PTPRD: variants seen among roughly 807,000 people sequenced by gnomAD.
PTPRD encodes protein tyrosine phosphatase receptor type D, also known as receptor-type tyrosine-protein phosphatase delta.
PTPRD carries 34 observed loss-of-function variants against 214.5 expected under a neutral mutation model. That is an observed-to-expected ratio of 0.16 (90% CI 0.12 to 0.21). The LOEUF (loss-of-function observed/expected upper bound fraction) is 0.21, where lower values mean the gene tolerates loss of function less well. PTPRD is among the 10% of genes least tolerant of loss of function. PTPRD has a pLI of 1.00. For synonymous variants in PTPRD, 1,128 were observed against 845.7 expected (o/e 1.33, Z -5.79); for missense variants, 2,545 against 2,398.7 (o/e 1.06, Z -1.27).
chr9:9,308,539 T>C (rs954218276), intron 9 of PTPRD, among the ~76,000 whole-genome samples: 2 of 152,208 alleles, frequency 1.3e-5, no homozygotes, highest in African/African-American at 4.8e-5. Flanking sequence ...CTTTTTGTGA[T>C]TCTTCATCTG....
At chr9:10,058,997 AT>A (rs1323299830) in intron 3 of PTPRD, among the ~76,000 whole-genome samples, 4 of 152,144 alleles carry the variant, frequency 2.6e-5, no homozygotes, top group Non-Finnish European at 4.4e-5. Context: ...ACAAAATAAA[AT>A]ATATAAATAA....
At chr9:10,531,527 T>G (rs73642006) in intron 2 of PTPRD, among the ~76,000 whole-genome samples, 14,435 of 152,204 alleles carry the variant, frequency 0.095, 847 homozygotes, top group African/African-American at 0.15. Flanking sequence ...ATATGGCACT[T>G]TACCTTGAAA....
intron 10 of PTPRD, among the ~76,000 whole-genome samples, chr9:9,158,411 C>A (rs902402498): frequency 3.9e-5 from 6 of 151,984 alleles, no homozygotes; most frequent in African/African-American, 1.4e-4. Flanking sequence ...ATCAGCCTGG[C>A]CAACATGCTA....
chr9:10,313,661 C>T (rs1484960438), intron 3 of PTPRD, among the ~76,000 whole-genome samples: 1 of 151,894 alleles, frequency 6.6e-6, no homozygotes, highest in African/African-American at 2.4e-5. Flanking sequence ...ACATGTATAG[C>T]CATTAAGTCT....
chr9:8,453,571 A>G (rs1202728185), intron 33 of PTPRD, among the ~76,000 whole-genome samples: 1 of 152,250 alleles, frequency 6.6e-6, no homozygotes, highest in Non-Finnish European at 1.5e-5. Flanking sequence ...TGGATACTAG[A>G]GATGTCCACA....
intron 12 of PTPRD, among the ~76,000 whole-genome samples, chr9:8,713,142 T>C (rs1384189835): frequency 1.3e-5 from 2 of 152,162 alleles, no homozygotes; most frequent in African/African-American, 2.4e-5. Context: ...ACAACAACGA[T>C]AACAAAACAC....
At chr9:9,570,217 T>A (rs1455455158) in intron 8 of PTPRD, among the ~76,000 whole-genome samples, 3 of 151,582 alleles carry the variant, frequency 2.0e-5, no homozygotes, top group Non-Finnish European at 4.4e-5. Flanking sequence ...ATTATTATTA[T>A]TATTTGGACT....
intron 6 of PTPRD, among the ~76,000 whole-genome samples, chr9:9,762,644 T>C (rs577001588): frequency 1.2e-3 from 183 of 152,338 alleles, no homozygotes; most frequent in African/African-American, 4.0e-3. Context: ...ATAAAAAGGA[T>C]TGATTCTCTT....
intron 4 of PTPRD, among the ~76,000 whole-genome samples, chr9:10,005,809 C>A (rs1588698642): frequency 6.6e-6 from 1 of 151,918 alleles, no homozygotes; most frequent in African/African-American, 2.4e-5. Flanking sequence ...ATCTGAAATG[C>A]ACACAAATTC....
intron 4 of PTPRD, among the ~76,000 whole-genome samples, chr9:9,940,632 A>G (rs1373622068): frequency 1.3e-5 from 2 of 151,982 alleles, no homozygotes; most frequent in Non-Finnish European, 2.9e-5. Context: ...CCTGGAGGCT[A>G]TAATATTAAC....
chr9:9,206,697 C>T (rs1296166173), intron 9 of PTPRD, among the ~76,000 whole-genome samples: 1 of 152,172 alleles, frequency 6.6e-6, no homozygotes, highest in African/African-American at 2.4e-5. Context: ...TGGATGCTTC[C>T]TGGCCTTGAA....
intron 12 of PTPRD, among the ~76,000 whole-genome samples, chr9:8,689,576 G>A (rs946913303): frequency 1.1e-4 from 16 of 152,120 alleles, no homozygotes; most frequent in Non-Finnish European, 1.9e-4. Context: ...CTCGTAATAC[G>A]TATTCACTAC....
chr9:8,960,549 G>A (rs2099153557), intron 11 of PTPRD, among the ~76,000 whole-genome samples: 4 of 152,070 alleles, frequency 2.6e-5, no homozygotes, highest in Admixed American at 6.6e-5. Flanking sequence ...AGAAGATGTC[G>A]TGCATTAAAA....
intron 43 of PTPRD, among the ~76,000 whole-genome samples, chr9:8,335,012 G>C (rs977093198): frequency 6.6e-6 from 1 of 151,966 alleles, no homozygotes; most frequent in African/African-American, 2.4e-5. Context: ...AATTGAGGCA[G>C]TAATTAATAG....
intron 26 of PTPRD, among the ~76,000 whole-genome samples, chr9:8,497,008 A>T (rs1369964936): frequency 6.6e-6 from 1 of 152,202 alleles, no homozygotes; most frequent in African/African-American, 2.4e-5. Flanking sequence ...AGCAGCCATC[A>T]AAACAAATAT....
rs77544606 is a variant in PTPRD at position 8,868,076 on chromosome 9, T to C, written c.-103-134130A>G. On this transcript the variant is annotated intron_variant, in intron 11 of 45. Coordinates refer to ENST00000381196, the MANE Select transcript of PTPRD (RefSeq NM_002839.4). ...TTGGACTTGCAAACCCGTAGAATGA[T>C]GGTTCACCACCCTGGTTGTGCATTA... is the stretch of plus-strand genomic sequence containing the variant. Among the ~76,000 whole-genome samples the C allele has an allele frequency of 6.6e-4, 101 of 152,324 alleles. 1 individual carries two copies. The East Asian group carries it at 0.017, about 26-fold the overall frequency.
intron 36 of PTPRD, among the ~76,000 whole-genome samples, chr9:8,391,974 A>G: frequency 6.7e-6 from 1 of 149,856 alleles, no homozygotes; most frequent in African/African-American, 2.5e-5. Context: ...TTTGTTTAAC[A>G]AGGAGGGGGT....
At chr9:9,158,467 G>T (rs1188297251) in intron 10 of PTPRD, among the ~76,000 whole-genome samples, 1 of 152,100 alleles carries the variant, frequency 6.6e-6, no homozygotes, top group Non-Finnish European at 1.5e-5. Flanking sequence ...GGGCATGGTG[G>T]CACGTGCCTG....
intron 5 of PTPRD, among the ~76,000 whole-genome samples, chr9:9,834,014 A>G (rs2055920872): frequency 6.6e-6 from 1 of 152,072 alleles, no homozygotes; most frequent in Admixed American, 6.6e-5. Context: ...AGATTGAAGT[A>G]AAGACAGGCA....
Sources: gnomAD v4.1 joint callset for allele counts (sites outside exome capture counted in the v4.1 genomes callset) on GRCh38, gnomAD v4.1.1 for gene constraint, MANE v1.5 for transcripts, NCBI Gene and HGNC (gene_info 2026-07-23, HGNC 2026-07-21) for gene names.